The following CELA2A variants were observed in gnomAD, a reference collection of about 807,000 sequenced individuals.
CELA2A encodes chymotrypsin-like elastase family member 2A.
CELA2A carries 31 observed loss-of-function variants against 35.3 expected under a neutral mutation model. The ratio of observed to expected loss-of-function variants is 0.88; its 90% CI spans 0.66 to 1.19. The LOEUF is 1.19. Among genes scored for constraint, CELA2A ranks in the 50% most tolerant of loss-of-function variants. The probability of loss-of-function intolerance (pLI) is 0.00; values close to 1 mark genes in which losing one functional copy is unlikely to be tolerated. For missense variants in CELA2A, 330 were observed against 352.9 expected (o/e 0.94, Z 0.52); for synonymous variants, 150 against 149.8 (o/e 1.00, Z -0.01).
intron 6 of CELA2A, 108 bp from the exon 7 acceptor site, chr1:15,467,278 C>T (rs753791312): frequency 3.2e-5 from 38 of 1,201,610 alleles, no homozygotes; most frequent in Middle Eastern, 4.0e-4. Flanking sequence ...GGTCAGCTTC[C>T]GAGGACAGTG....
chr1:15,458,400 C>T (rs548424093), intron 2 of CELA2A, among the ~76,000 whole-genome samples: 2 of 152,132 alleles, frequency 1.3e-5, no homozygotes, highest in Non-Finnish European at 2.9e-5. Context: ...TTTCTGAACT[C>T]ATATTTCATT....
chr1:15,456,818 T>G, intron 1 of CELA2A, 25 bp downstream of exon 1: 1 of 1,614,128 alleles, frequency 6.2e-7, no homozygotes, highest in Non-Finnish European at 8.5e-7. Flanking sequence ...CCAGAGGCAC[T>G]GGTTTCCCAT....
chr1:15,462,607 G>A, intron 3 of CELA2A, 126 bp from the exon 4 acceptor site: 1 of 1,149,910 alleles, frequency 8.7e-7, no homozygotes, highest in Non-Finnish European at 1.3e-6. Flanking sequence ...ATTGTCCCAG[G>A]GGAGGAAAGA....
chr1:15,461,768 C>T, intron 3 of CELA2A, 110 bp downstream of exon 3: 3 of 1,293,842 alleles, frequency 2.3e-6, no homozygotes, highest in East Asian at 2.4e-5. Flanking sequence ...TGCAAATAAC[C>T]ACTATACTGG....
chr1:15,461,186 G>T (rs1424391311), intron 2 of CELA2A, among the ~76,000 whole-genome samples: 4 of 152,036 alleles, frequency 2.6e-5, no homozygotes, highest in African/African-American at 9.7e-5. Flanking sequence ...CACGACAAAT[G>T]GGGATTATAA....
chr1:15,469,854 G>A (rs963192613), intron 7 of CELA2A, among the ~76,000 whole-genome samples: 3 of 152,256 alleles, frequency 2.0e-5, no homozygotes, highest in South Asian at 2.1e-4. Context: ...TCCTAAGACC[G>A]TTTTCCAGCC....
At chr1:15,467,291 C>T in intron 6 of CELA2A, 95 bp from the exon 7 acceptor site, 1 of 1,335,840 alleles carries the variant, frequency 7.5e-7, no homozygotes, top group Non-Finnish European at 1.1e-6. Context: ...GGACAGTGAC[C>T]TGCAGCAGAA....
At chr1:15,467,198 TGGCC>T (rs1708529812) in intron 6 of CELA2A, among the ~76,000 whole-genome samples, 184 bp from the exon 7 acceptor site, 1 of 152,224 alleles carries the variant, frequency 6.6e-6, no homozygotes, top group African/African-American at 2.4e-5. Context: ...AGCTCAGCTC[TGGCC>T]ACACAGGAAG....
chr1:15,456,990 A>C (rs1570793684), intron 1 of CELA2A, 96 bp from the exon 2 acceptor site: 1 of 1,353,750 alleles, frequency 7.4e-7, no homozygotes, highest in Non-Finnish European at 1.0e-6. Flanking sequence ...TTCTAGAACA[A>C]GGGTTTTCTA....
chr1:15,464,822 C>T (rs1478356101), intron 5 of CELA2A, among the ~76,000 whole-genome samples: 1 of 152,086 alleles, frequency 6.6e-6, no homozygotes, highest in African/African-American at 2.4e-5. Context: ...CCAGCTCTGT[C>T]AGTCACGGTG....
chr1:15,466,287 G>C, intron 6 of CELA2A, 143 bp downstream of exon 6: 1 of 1,065,704 alleles, frequency 9.4e-7, no homozygotes, highest in Non-Finnish European at 1.3e-6. Context: ...CTTTGGCCAG[G>C]CACGGTGGCT....
intron 5 of CELA2A, 59 bp from the exon 6 acceptor site, chr1:15,465,940 C>T: frequency 6.3e-7 from 1 of 1,596,624 alleles, no homozygotes; most frequent in South Asian, 1.1e-5. Context: ...ACGGGTCCAT[C>T]ACTTCCTTTT....
chr1:15,457,232 C>A (rs1708374706), intron 2 of CELA2A, 58 bp downstream of exon 2: 2 of 1,531,558 alleles, frequency 1.3e-6, no homozygotes, highest in Admixed American at 1.7e-5. Context: ...TACATCTCCC[C>A]TTTGCCCTTC....
intron 2 of CELA2A, among the ~76,000 whole-genome samples, chr1:15,458,143 A>G (rs1708385725): frequency 6.6e-6 from 1 of 152,214 alleles, no homozygotes; most frequent in Non-Finnish European, 1.5e-5. Flanking sequence ...ATCTTAGACT[A>G]TGTAAACAAT....
At chr1:15,460,749 T>A (rs1708422436) in intron 2 of CELA2A, among the ~76,000 whole-genome samples, 1 of 152,100 alleles carries the variant, frequency 6.6e-6, no homozygotes, top group East Asian at 1.9e-4. Flanking sequence ...GTGCCCAGGC[T>A]GGTTCACAAA....
At chr1:15,471,856 C>A in intron 7 of CELA2A, 134 bp from the exon 8 acceptor site, 1 of 1,025,990 alleles carries the variant, frequency 9.7e-7, no homozygotes, top group Non-Finnish European at 1.5e-6. Context: ...CAGAACTCCT[C>A]AGGCAGGAGC....
At chr1:15,465,729 T>C (rs529203433) in intron 5 of CELA2A, among the ~76,000 whole-genome samples, 2 of 152,262 alleles carry the variant, frequency 1.3e-5, no homozygotes, top group South Asian at 2.1e-4. Flanking sequence ...TGTCAGTCAT[T>C]GCCAACAGCT....
chr1:15,465,326 G>A (rs374612806), intron 5 of CELA2A, among the ~76,000 whole-genome samples: 3 of 152,104 alleles, frequency 2.0e-5, no homozygotes, highest in South Asian at 4.1e-4. Context: ...AACTTCCCTA[G>A]GCTTCAATCG....
At chr1:15,464,135 G>A (rs1188859430) in intron 5 of CELA2A, among the ~76,000 whole-genome samples, 3 of 152,182 alleles carry the variant, frequency 2.0e-5, no homozygotes, top group African/African-American at 7.2e-5. Flanking sequence ...AGCCCAGAAT[G>A]GGGTAGGTGC....
Sources: allele counts gnomAD v4.1 joint callset (sites outside exome capture counted in the v4.1 genomes callset), GRCh38; gene constraint gnomAD v4.1.1; transcripts MANE v1.5; gene names NCBI Gene and HGNC (gene_info 2026-07-23, HGNC 2026-07-21).